Variants in HAL observed in about 807,000 individuals in gnomAD.
The protein encoded by HAL is histidase.
HAL carries 85 observed loss-of-function variants against 81.1 expected under a neutral mutation model. The ratio of observed to expected loss-of-function variants is 1.05; its 90% CI spans 0.88 to 1.25. HAL has a LOEUF of 1.25. Ranked by LOEUF, HAL falls within the 50% of genes most tolerant of loss-of-function variation. The pLI is 0.00. For missense variants in HAL, 798 were observed against 836.6 expected, an observed-to-expected ratio of 0.95 and a Z score of 0.57; for synonymous variants, 301 against 309.2, an observed-to-expected ratio of 0.97 and a Z score of 0.28.
Position 95,992,927 on chromosome 12 carries a change from C to A in HAL, c.590-122G>T, listed in dbSNP as rs527766195. 1.0e-5 allele frequency: 9 copies of A among 866,890 alleles called. No homozygotes were observed. In the African/African-American group the frequency reaches 1.5e-4, roughly 14 times the overall value. 53.7% of individuals were successfully genotyped at this position (866,890 alleles called of 1,614,324 possible). A position where few individuals can be genotyped will look rare whatever the true frequency, so the allele number is the denominator to read the frequency against. ...CCAGCCTGCTATTACCTTCTCCTCT[C>A]GGCTCAGGTAGTTGGACTACTCTCC... On this transcript the variant is annotated intron_variant, in intron 8 of 20. Transcript: ENST00000261208.
At chr12:95,976,335 A>G in intron 20 of HAL, 94 bp downstream of exon 20, 1 of 1,009,164 alleles carries the variant, frequency 9.9e-7, no homozygotes, top group Non-Finnish European at 1.6e-6. Context: ...AGGAATGGCC[A>G]GAAAACAATA....
Position 95,994,288 on chromosome 12 carries a change from T to C in HAL, c.337-124A>G, listed in dbSNP as rs554095475. On this transcript the variant is annotated intron_variant, in intron 4 of 20. Coordinates refer to ENST00000261208, the MANE Select transcript of HAL (RefSeq NM_002108.4). ...CTGATCATTGCGTGAAACATGAATATGCTAAATAAAAATGCATCTTGCATA... is the reference window on the plus strand; with the variant it reads ...CTGATCATTGCGTGAAACATGAATACGCTAAATAAAAATGCATCTTGCATA... 2.3e-4 allele frequency: 180 copies of C among 789,774 alleles called. 2 individuals are homozygous for C. The highest frequency in any genetic ancestry group is 1.5e-3 in the South Asian group (115 of 74,202). The allele number at this position is 789,774 out of a possible 1,614,324, so 48.9% of individuals were successfully genotyped here. A position where few individuals can be genotyped will look rare whatever the true frequency, so the allele number is the denominator to read the frequency against.
At chr12:95,992,592 T>C in intron 9 of HAL, 88 bp downstream of exon 9, 1 of 1,185,530 alleles carries the variant, frequency 8.4e-7, no homozygotes, top group South Asian at 1.2e-5. Context: ...TCTTCTCAGG[T>C]GATTCCTCAG....
Position 95,976,474 on chromosome 12 carries a change from C to T in HAL, c.1788G>A (p.Met596Ile), listed in dbSNP as rs1282377693. 6.2e-7 allele frequency: 1 copy of T among 1,614,142 alleles called. No individual in the cohort carries two copies. The highest frequency in any genetic ancestry group is 1.3e-5 in the African/African-American group (1 of 75,056). The change falls in exon 20 of 21, where the codon ATG becomes ATA. Residue 596 changes from methionine (M) to isoleucine (I), a missense_variant. Met to Ile is a conservative substitution (Grantham distance 10). Transcript: ENST00000261208. ...TGTGGGCTGCCTCGATGTCCGGGGCCATGAAGCGATCTTTTATCCAGGGCC... is the reference window on the plus strand; with the variant it reads ...TGTGGGCTGCCTCGATGTCCGGGGCTATGAAGCGATCTTTTATCCAGGGCC... ...VVRPWIKDRF[M>I]APDIEAAHRL...
chr12:95,978,697 G>C (rs2080755481), intron 17 of HAL, among the ~76,000 whole-genome samples: 1 of 152,132 alleles, frequency 6.6e-6, no homozygotes, highest in Admixed American at 6.5e-5. Context: ...GTGAAATTCT[G>C]CTGTTCTAAC....
Position 95,974,193 on chromosome 12 carries a change from C to T in HAL, c.*39G>A, listed in dbSNP as rs775830260. The T allele has an allele frequency of 1.9e-6, 3 of 1,592,048 alleles. No individual in the cohort carries two copies. The highest frequency in any genetic ancestry group is 2.2e-5 in the East Asian group (1 of 44,764). On this transcript the variant is annotated 3_prime_UTR_variant, in exon 21 of 21. Transcript: ENST00000261208. Reference sequence around the variant, plus strand: ...CAGCCTAGTATTGCTTTGTGCTAAACTGACTGCCCTCTCATCTGCTACTTC... The same window carrying T: ...CAGCCTAGTATTGCTTTGTGCTAAATTGACTGCCCTCTCATCTGCTACTTC...
chr12:95,990,463 T>C lies in HAL; in HGVS notation c.785A>G (p.His262Arg), dbSNP rs775795421. 6 of 1,612,574 alleles carry C rather than the reference T, an allele frequency of 3.7e-6. No individual in the cohort carries two copies. The Admixed American group carries it at 8.3e-5, about 22-fold the overall frequency. ...GASGDLAPLS[H>R]LALGLVGEGK... is the part of the protein sequence containing the mutation. ...TTCTCCAACTAGCCCAAGAGCAAGATGAGAGAGTGGGGCAAGGTCTCCACT... is the reference window on the plus strand; with the variant it reads ...TTCTCCAACTAGCCCAAGAGCAAGACGAGAGAGTGGGGCAAGGTCTCCACT... The change falls in exon 10 of 21, where the codon CAT becomes CGT. Residue 262 changes from histidine to arginine, a missense_variant. Transcript: ENST00000261208.
chr12:95,976,135 G>A (rs1321633004), intron 20 of HAL: 1 of 422,712 alleles, frequency 2.4e-6, no homozygotes. Context: ...GGGGTGGGGA[G>A]GCATCAATGA....
chr12:95,995,911 G>C lies in HAL; in HGVS notation c.-1C>G. On this transcript the variant is annotated 5_prime_UTR_variant, in exon 2 of 21. Coordinates refer to ENST00000261208, the MANE Select transcript of HAL (RefSeq NM_002108.4). Reference sequence around the variant, plus strand: ...GTACGTGCACCGTGTATCTGGGCATGGCTCCGCTGCAGCCTGAGGTCCTCA... The same window carrying C: ...GTACGTGCACCGTGTATCTGGGCATCGCTCCGCTGCAGCCTGAGGTCCTCA... The C allele has an allele frequency of 1.2e-6, 2 of 1,603,068 alleles. No individual in the cohort carries two copies. The highest frequency in any genetic ancestry group is 1.7e-6 in the Non-Finnish European group (2 of 1,179,912).
rs12310543 is a variant in HAL, at chr12:95,973,232, A to G, written c.*1000T>C. On this transcript the variant is annotated 3_prime_UTR_variant, in exon 21 of 21. Coordinates refer to ENST00000261208, the MANE Select transcript of HAL (RefSeq NM_002108.4). ...TCACAGAGCTTAGACTTGGGAAGCC[A>G]AGAGGTCATGTGACCCATCCTTCAT... 6.6e-6 allele frequency: 1 copy of G among 152,150 alleles called. No individual in the cohort carries two copies. Among genetic ancestry groups the G allele is most frequent in the South Asian group, 2.1e-4 (1 of 4,828 alleles). 9.4% of individuals were successfully genotyped at this position (152,150 alleles called of 1,614,324 possible). A position where few individuals can be genotyped will look rare whatever the true frequency, so the allele number is the denominator to read the frequency against.
intron 20 of HAL, among the ~76,000 whole-genome samples, chr12:95,974,853 C>T (rs1251691938): frequency 6.6e-6 from 1 of 152,136 alleles, no homozygotes; most frequent in African/African-American, 2.4e-5. Context: ...AATTCTTGTG[C>T]CTCAGCCTCC....
At chr12:95,994,297 AAAATGCATCTTGCATAAGAGG>A in intron 4 of HAL, 133 bp from the exon 5 acceptor site, 1 of 777,240 alleles carries the variant, frequency 1.3e-6, no homozygotes, top group Non-Finnish European at 2.3e-6. Context: ...ATGCTAAATA[AAAATGCATCTTGCATAAGAGG>A]AGGCTTATTG....
intron 9 of HAL, 87 bp downstream of exon 9, chr12:95,992,593 G>T: frequency 8.3e-7 from 1 of 1,198,172 alleles, no homozygotes; most frequent in Non-Finnish European, 1.2e-6. Flanking sequence ...CTTCTCAGGT[G>T]ATTCCTCAGC....
In HAL at chr12:95,976,457, G is replaced by A. The variant is rs1220914394; in HGVS notation, c.1805C>T (p.Ala602Val). 6.2e-7 allele frequency: 1 copy of A among 1,614,032 alleles called. No individual in the cohort carries two copies. Among genetic ancestry groups the A allele is most frequent in the South Asian group, 1.1e-5 (1 of 91,086 alleles). Residue 602 changes from alanine to valine, a missense_variant, in exon 20 of 21, where the codon GCA becomes GTA. By Grantham distance (64) the Ala-to-Val change is moderately conservative. Transcript: ENST00000261208. ...KDRFMAPDIE[A>V]AHRLLLEQKV... ...CTGCTCCAGGAGCAGCCTGTGGGCTGCCTCGATGTCCGGGGCCATGAAGCG... is the reference window on the plus strand; with the variant it reads ...CTGCTCCAGGAGCAGCCTGTGGGCTACCTCGATGTCCGGGGCCATGAAGCG...
At chr12:95,980,496 G>GA in intron 17 of HAL, 60 bp downstream of exon 17, 1 of 1,510,782 alleles carries the variant, frequency 6.6e-7, no homozygotes, top group South Asian at 1.1e-5. Flanking sequence ...ACTTCTAGGT[G>GA]AAATGGAAAG....
chr12:95,985,723 A>G (rs1949876114), intron 14 of HAL, among the ~76,000 whole-genome samples, 185 bp downstream of exon 14: 1 of 152,134 alleles, frequency 6.6e-6, no homozygotes, highest in Non-Finnish European at 1.5e-5. Context: ...AAACTTTACA[A>G]CAATTGCACA....
Position 95,984,087 on chromosome 12 carries a change from T to C in HAL, c.1207-96A>G, listed in dbSNP as rs140190781. 1,080 of 719,102 alleles carry C rather than the reference T, an allele frequency of 1.5e-3. 9 individuals are homozygous for C. The African/African-American group carries it at 0.017, about 11-fold the overall frequency. The allele number at this position is 719,102 out of a possible 1,614,324, so 44.5% of individuals were successfully genotyped here. On this transcript the variant is annotated intron_variant, in intron 14 of 20. Transcript: ENST00000261208. ...TATAGAAGATCTTATCTTAAAGTTA[T>C]AAAGAATACAGAAGATCTTATTTTA... is the stretch of plus-strand genomic sequence containing the variant.
Position 95,991,860 on chromosome 12 carries a change from G to A in HAL, c.715+820C>T, listed in dbSNP as rs770565305. The stretch of plus-strand genomic sequence containing the variant: ...CTACTAGTCTGTTCAGCACAGCCCT[G>A]TATATACAATAGACTGCTCATTGAA... On this transcript the variant is annotated intron_variant, in intron 9 of 20. Coordinates refer to ENST00000261208, the MANE Select transcript of HAL (RefSeq NM_002108.4). Among the ~76,000 whole-genome samples the A allele has an allele frequency of 3.9e-5, 6 of 152,218 alleles. No individual in the cohort carries two copies. In the East Asian group the frequency reaches 7.7e-4, roughly 20 times the overall value.
chr12:95,988,536 G>C (rs534838097), intron 10 of HAL, among the ~76,000 whole-genome samples: 1 of 152,102 alleles, frequency 6.6e-6, no homozygotes, highest in African/African-American at 2.4e-5. Context: ...TTCTACCTTA[G>C]CAGTTCACCT....
Sources: allele counts gnomAD v4.1 joint callset (sites outside exome capture counted in the v4.1 genomes callset), GRCh38; gene constraint gnomAD v4.1.1; transcripts MANE v1.5; gene names NCBI Gene and HGNC (gene_info 2026-07-23, HGNC 2026-07-21).